The following RPTOR variants were observed in gnomAD, a reference collection of about 807,000 sequenced individuals.
RPTOR encodes regulatory associated protein of MTOR complex 1.
RPTOR carries 21 observed loss-of-function variants against 169.9 expected under a neutral mutation model. The observed-to-expected ratio is 0.12, with a 90% confidence interval of 0.09 to 0.18. RPTOR has a LOEUF of 0.18. RPTOR is among the 10% of genes least tolerant of loss of function. RPTOR has a pLI of 1.00. For missense variants in RPTOR, 1,133 were observed against 1,855.9 expected, an observed-to-expected ratio of 0.61 and a Z score of 7.16; for synonymous variants, 732 against 753.2, an observed-to-expected ratio of 0.97 and a Z score of 0.46.
At chr17:80,876,656 ACG>A (rs2068118732) in intron 13 of RPTOR, among the ~76,000 whole-genome samples, 1 of 115,888 alleles carries the variant, frequency 8.6e-6, no homozygotes. Flanking sequence ...AGCCCGTGCC[ACG>A]CAGGGTGTGT....
At chr17:80,918,521 GCGGGGGT>G (rs1567986244) in intron 21 of RPTOR, among the ~76,000 whole-genome samples, 4 of 133,408 alleles carry the variant, frequency 3.0e-5, no homozygotes, top group Non-Finnish European at 5.0e-5. Flanking sequence ...GAGCACCCTC[GCGGGGGT>G]CATAGCCATG....
chr17:80,873,243 C>T (rs1267315317), intron 13 of RPTOR, among the ~76,000 whole-genome samples: 3 of 152,108 alleles, frequency 2.0e-5, no homozygotes, highest in East Asian at 3.9e-4. Flanking sequence ...TGCCACTGGG[C>T]ACAGGGAGCC....
chr17:80,804,718 C>T (rs2067200269), intron 7 of RPTOR: 1 of 152,308 alleles, frequency 6.6e-6, no homozygotes, highest in Admixed American at 6.5e-5. Flanking sequence ...AGAGCCGGGT[C>T]TGTGTGATGC....
Position 80,859,720 on chromosome 17 carries a change from G to A in RPTOR, c.1509+1820G>A, listed in dbSNP as rs541530659. On this transcript the variant is annotated intron_variant, in intron 13 of 33. Coordinates refer to ENST00000306801, the MANE Select transcript of RPTOR (RefSeq NM_020761.3). Reference sequence around the variant, plus strand: ...GACTTCGGCCAGCTGCTGTGTGCACGTGTGTGCGGGGGTGGTCATGTATGT... The same window carrying A: ...GACTTCGGCCAGCTGCTGTGTGCACATGTGTGCGGGGGTGGTCATGTATGT... Among the ~76,000 whole-genome samples the A allele has an allele frequency of 3.6e-3, 555 of 152,356 alleles. 3 individuals carry two copies. Among genetic ancestry groups the A allele is most frequent in the African/African-American group, 0.013 (536 of 41,600 alleles).
chr17:80,730,460 C>G lies in RPTOR; in HGVS notation c.508-100C>G, dbSNP rs2066380859. ...GGCTAACTCAGCGTCTCTCCAGCCA[C>G]CAGGCTCAATGTGTGTGCCTTTTGT... is the stretch of plus-strand genomic sequence containing the variant. On this transcript the variant is annotated intron_variant, in intron 4 of 33. Transcript: ENST00000306801. This position sits in a 1 kb window ranked among gnomAD's most constrained non-coding sequence, Gnocchi z 4.2. 8.1e-6 allele frequency: 11 copies of G among 1,356,370 alleles called. No individual in the cohort carries two copies. In the South Asian group the frequency reaches 1.0e-4, roughly 13 times the overall value. The allele number at this position is 1,356,370 out of a possible 1,614,324, so 84.0% of individuals were successfully genotyped here.
chr17:80,557,546 A>AATC (rs2084425683), intron 1 of RPTOR, among the ~76,000 whole-genome samples: 1 of 112,262 alleles, frequency 8.9e-6, no homozygotes, highest in Non-Finnish European at 2.1e-5. Context: ...ATAAATCAAT[A>AATC]AATACAAAAA....
intron 1 of RPTOR, among the ~76,000 whole-genome samples, chr17:80,587,149 C>T (rs1401791649): frequency 6.6e-6 from 1 of 152,268 alleles, no homozygotes; most frequent in Non-Finnish European, 1.5e-5. Context: ...CCGCTCGCCC[C>T]TCTGGCCTCC....
chr17:80,581,290 T>C (rs888224917), intron 1 of RPTOR, among the ~76,000 whole-genome samples: 8 of 152,262 alleles, frequency 5.3e-5, no homozygotes, highest in African/African-American at 1.2e-4. Context: ...TTGCTTTCTT[T>C]CTTCCTTCCT....
chr17:80,705,214 A>T (rs1411480197), intron 3 of RPTOR, among the ~76,000 whole-genome samples: 1 of 152,388 alleles, frequency 6.6e-6, no homozygotes, highest in East Asian at 1.9e-4. Context: ...CCGCGTTATC[A>T]GTTGGTTAGC....
At chr17:80,872,154 C>A (rs1056621896) in intron 13 of RPTOR, among the ~76,000 whole-genome samples, 1 of 152,168 alleles carries the variant, frequency 6.6e-6, no homozygotes, top group Non-Finnish European at 1.5e-5. Flanking sequence ...CTGTCATCAG[C>A]GAGGAGGGGC....
At chr17:80,945,598 A>C in intron 25 of RPTOR, 69 bp from the exon 26 acceptor site, 2 of 1,034,306 alleles carry the variant, frequency 1.9e-6, no homozygotes, top group Non-Finnish European at 2.8e-6. Context: ...TCTCAAAAAA[A>C]ATAAATAAAT....
At chr17:80,842,137 G>A (rs1205697319) in intron 10 of RPTOR, among the ~76,000 whole-genome samples, 1 of 152,194 alleles carries the variant, frequency 6.6e-6, no homozygotes, top group African/African-American at 2.4e-5. Context: ...TAGGGCCACT[G>A]GGCATTTTCA....
chr17:80,893,572 G>A (rs916518587), intron 19 of RPTOR, 135 bp from the exon 20 acceptor site: 4 of 1,102,438 alleles, frequency 3.6e-6, no homozygotes, highest in South Asian at 1.5e-5. Flanking sequence ...GGGTGTGTGT[G>A]TACCAGGGTG....
At chr17:80,557,229 G>T (rs1034590982) in intron 1 of RPTOR, among the ~76,000 whole-genome samples, 5 of 152,228 alleles carry the variant, frequency 3.3e-5, no homozygotes, top group African/African-American at 1.2e-4. Flanking sequence ...GTGTCCTCCA[G>T]TTTCTGACTC....
At chr17:80,893,653 G>C (rs2143877488) in intron 19 of RPTOR, 54 bp from the exon 20 acceptor site, 1 of 1,559,754 alleles carries the variant, frequency 6.4e-7, no homozygotes, top group Non-Finnish European at 8.7e-7. Context: ...TTAACTGTAA[G>C]ACCAAAAGGA....
intron 1 of RPTOR, among the ~76,000 whole-genome samples, chr17:80,586,033 CA>C (rs2065057942): frequency 6.6e-6 from 1 of 152,120 alleles, no homozygotes; most frequent in Admixed American, 6.5e-5. Flanking sequence ...CCACATCTGT[CA>C]CAATGTTGTT....
In RPTOR at chr17:80,730,795, G is replaced by A; in HGVS notation, c.654+89G>A. ...TTGGGTGGGGAGGTTGGGAGGTGTTGGACATCCTCTGAATGGAGCAGGGCT... is the reference window on the plus strand; with the variant it reads ...TTGGGTGGGGAGGTTGGGAGGTGTTAGACATCCTCTGAATGGAGCAGGGCT... On this transcript the variant is annotated intron_variant, in intron 5 of 33. Transcript: ENST00000306801. The surrounding 1 kb of genome is among the most constrained non-coding windows in gnomAD (Gnocchi z 4.2). The A allele has an allele frequency of 1.6e-6, 2 of 1,240,976 alleles. No homozygotes were observed. Among genetic ancestry groups the A allele is most frequent in the South Asian group, 1.3e-5 (1 of 76,622 alleles). The allele number at this position is 1,240,976 out of a possible 1,614,324, so 76.9% of individuals were successfully genotyped here. A position where few individuals can be genotyped will look rare whatever the true frequency, so the allele number is the denominator to read the frequency against.
chr17:80,782,580 G>T (rs1177707414), intron 6 of RPTOR, among the ~76,000 whole-genome samples: 1 of 152,090 alleles, frequency 6.6e-6, no homozygotes, highest in East Asian at 1.9e-4. Flanking sequence ...GGAACACCTT[G>T]GTTTCCGGGG....
intron 6 of RPTOR, among the ~76,000 whole-genome samples, chr17:80,757,403 T>C (rs1289557301): frequency 6.6e-6 from 1 of 152,188 alleles, no homozygotes; most frequent in East Asian, 1.9e-4. Context: ...TGCTCTGTAA[T>C]GTCGAAGTCC....
Sources: gnomAD v4.1 joint callset for allele counts (sites outside exome capture counted in the v4.1 genomes callset) on GRCh38, gnomAD v4.1.1 for gene constraint, Gnocchi (gnomAD v3.1) non-coding constraint, MANE v1.5 for transcripts, NCBI Gene and HGNC (gene_info 2026-07-23, HGNC 2026-07-21) for gene names.